Variants in MED12L observed in about 807,000 individuals in gnomAD.
MED12L encodes the protein mediator of RNA polymerase II transcription subunit 12-like protein.
MED12L carries 60 observed loss-of-function variants against 281.3 expected under a neutral mutation model. The observed-to-expected ratio is 0.21, with a 90% CI of 0.17 to 0.26. The LOEUF (loss-of-function observed/expected upper bound fraction) is 0.26. Ranked by LOEUF, MED12L falls within the 10% of genes least tolerant of loss-of-function variation. MED12L has a pLI of 1.00. For missense variants in MED12L, 2,146 were observed against 2,680.9 expected (o/e 0.80, Z 4.41); for synonymous variants, 974 against 987.2 (o/e 0.99, Z 0.25).
intron 16 of MED12L, among the ~76,000 whole-genome samples, chr3:151,306,304 G>T (rs759439810): frequency 2.6e-5 from 4 of 152,204 alleles, no homozygotes; most frequent in East Asian, 1.9e-4. Flanking sequence ...GTGACAGGAG[G>T]TCATGTTGAT....
At chr3:151,337,451 G>A in intron 16 of MED12L, 1 of 214,956 alleles carries the variant, frequency 4.7e-6, no homozygotes, top group South Asian at 6.8e-5. Flanking sequence ...TTCTTCCTTA[G>A]TTGATTATGA....
At chr3:151,304,632 A>G (rs912908810) in intron 16 of MED12L, among the ~76,000 whole-genome samples, 1 of 151,684 alleles carries the variant, frequency 6.6e-6, no homozygotes, top group African/African-American at 2.4e-5. Flanking sequence ...CCTCTAGCCA[A>G]GTATGGTGGC....
rs1308109720 is a variant in MED12L at position 151,162,230 on chromosome 3, G to A, written c.1108-1663G>A. On this transcript the variant is annotated intron_variant, in intron 8 of 44. Transcript: ENST00000687756. ...AATCAAGGACACAAGGAAGGGCTCT[G>A]TCAGGAGGAGTTGAGAACTCCACAT... 2.6e-5 allele frequency among the ~76,000 whole-genome samples: 4 copies of A among 152,252 alleles called. No individual in the cohort carries two copies. In the South Asian group the frequency reaches 8.3e-4, roughly 32 times the overall value.
intron 33 of MED12L, among the ~76,000 whole-genome samples, 179 bp from the exon 34 acceptor site, chr3:151,383,600 T>C (rs570555245): frequency 6.6e-6 from 1 of 152,256 alleles, no homozygotes; most frequent in African/African-American, 2.4e-5. Context: ...TGAACTGTGC[T>C]GAAAGAACTA....
intron 16 of MED12L, among the ~76,000 whole-genome samples, chr3:151,194,893 G>A (rs1233540197): frequency 2.0e-5 from 3 of 152,128 alleles, no homozygotes; most frequent in African/African-American, 7.2e-5. Flanking sequence ...GGCCGGGCGC[G>A]GTGGCTCATG....
At chr3:151,366,400 G>A (rs190995794) in intron 23 of MED12L, among the ~76,000 whole-genome samples, 5 of 152,278 alleles carry the variant, frequency 3.3e-5, no homozygotes, top group African/African-American at 1.2e-4. Context: ...AGTGCAAGGC[G>A]CAGTATACAA....
intron 16 of MED12L, among the ~76,000 whole-genome samples, chr3:151,258,711 G>A (rs1738291085): frequency 6.6e-6 from 1 of 152,108 alleles, no homozygotes; most frequent in African/African-American, 2.4e-5. Context: ...AATTAGCCAG[G>A]TGTGGTGGTG....
intron 11 of MED12L, among the ~76,000 whole-genome samples, chr3:151,166,394 T>C (rs1053521284): frequency 6.6e-6 from 1 of 152,048 alleles, no homozygotes; most frequent in African/African-American, 2.4e-5. Context: ...TTAGACAATG[T>C]GTTAGGGTTC....
intron 16 of MED12L, chr3:151,198,571 G>T: frequency 6.2e-7 from 1 of 1,613,882 alleles, no homozygotes; most frequent in Non-Finnish European, 8.5e-7. Flanking sequence ...ACACAGCCAG[G>T]AGCAGTGTAG....
chr3:151,138,980 T>TCTACCTACCTAC (rs374854260), intron 5 of MED12L, among the ~76,000 whole-genome samples: 4,664 of 142,964 alleles, frequency 0.033, 239 homozygotes, highest in African/African-American at 0.12. Flanking sequence ...TTGTCTCTTA[T>TCTACCTACCTAC]CTACCTACCT....
intron 38 of MED12L, among the ~76,000 whole-genome samples, chr3:151,394,002 T>G (rs9653953): frequency 0.56 from 85,124 of 151,884 alleles, 24,100 homozygotes; most frequent in Middle Eastern, 0.67. Context: ...AACTTTTAAA[T>G]GCGCGTGACA....
intron 16 of MED12L, chr3:151,269,618 A>T: frequency 2.8e-6 from 1 of 357,764 alleles, no homozygotes; most frequent in Non-Finnish European, 5.4e-6. Context: ...GGGGAGGAAG[A>T]CAAAGAGGCA....
At chr3:151,376,931 G>A (rs1005384789) in intron 29 of MED12L, 57 bp downstream of exon 29, 22 of 1,608,692 alleles carry the variant, frequency 1.4e-5, no homozygotes, top group East Asian at 6.7e-5. Context: ...GCAAAAACAC[G>A]TTGATGTTTG....
At chr3:151,358,678 A>G (rs1229014822) in intron 20 of MED12L, among the ~76,000 whole-genome samples, 3 of 152,162 alleles carry the variant, frequency 2.0e-5, no homozygotes, top group South Asian at 2.1e-4. Flanking sequence ...CATATTTGAC[A>G]TTAACTTTGT....
intron 26 of MED12L, 118 bp from the exon 27 acceptor site, chr3:151,372,449 T>C (rs1383394487): frequency 1.8e-5 from 13 of 702,898 alleles, no homozygotes; most frequent in African/African-American, 3.6e-5. Flanking sequence ...CAACTGGCTA[T>C]TCAATAATAA....
At chr3:151,404,416 T>C (rs1478252466) in intron 39 of MED12L, among the ~76,000 whole-genome samples, 1 of 152,216 alleles carries the variant, frequency 6.6e-6, no homozygotes, top group Non-Finnish European at 1.5e-5. Context: ...GTGAAAACTT[T>C]TAAAAGTATC....
chr3:151,128,532 T>G (rs1461158228), intron 5 of MED12L, among the ~76,000 whole-genome samples: 2 of 151,890 alleles, frequency 1.3e-5, no homozygotes, highest in African/African-American at 4.8e-5. Flanking sequence ...CTTCCTTCTA[T>G]CTCCCTAATA....
chr3:151,421,257 G>A (rs933226443), intron 43 of MED12L, among the ~76,000 whole-genome samples: 2 of 152,118 alleles, frequency 1.3e-5, no homozygotes, highest in Non-Finnish European at 2.9e-5. Flanking sequence ...CCTCTGCTGA[G>A]GTCACCCATT....
chr3:151,243,999 A>G, intron 16 of MED12L, among the ~76,000 whole-genome samples: 1 of 137,204 alleles, frequency 7.3e-6, no homozygotes, highest in Non-Finnish European at 1.6e-5. Context: ...TTAAACCAAC[A>G]AAGATCAAAA....
Sources: allele counts gnomAD v4.1 joint callset (sites outside exome capture counted in the v4.1 genomes callset), GRCh38; gene constraint gnomAD v4.1.1; transcripts MANE v1.5; gene names NCBI Gene and HGNC (gene_info 2026-07-23, HGNC 2026-07-21).